NAV3: variants seen among roughly 807,000 people sequenced by gnomAD.
NAV3 encodes the protein pore membrane and/or filament interacting like protein 1.
A neutral mutation model predicts 244.7 loss-of-function variants in NAV3; 87 were observed. That is an observed-to-expected ratio of 0.36 (90% CI 0.30 to 0.42). The LOEUF (loss-of-function observed/expected upper bound fraction) is 0.42, where lower values mean the gene tolerates loss of function less well. Ranked by LOEUF, NAV3 falls within the 20% of genes least tolerant of loss-of-function variation. The probability of loss-of-function intolerance (pLI) is 1.00; values close to 1 mark genes in which losing one functional copy is unlikely to be tolerated. For missense variants in NAV3, 2,663 were observed against 2,893.3 expected (o/e 0.92, Z 1.83); for synonymous variants, 1,126 against 1,042.2 (o/e 1.08, Z -1.55).
intron 34 of NAV3, among the ~76,000 whole-genome samples, chr12:78,193,056 T>C (rs534418053): frequency 6.6e-6 from 1 of 152,316 alleles, no homozygotes; most frequent in South Asian, 2.1e-4. Flanking sequence ...CCTGAAAACC[T>C]GGAGCTGTGT....
chr12:77,791,803 T>C (rs995810433), intron 2 of NAV3, among the ~76,000 whole-genome samples: 1 of 152,250 alleles, frequency 6.6e-6, no homozygotes, highest in Admixed American at 6.5e-5. Flanking sequence ...TATTTCTTGT[T>C]CATTCCCCAA....
intron 2 of NAV3, among the ~76,000 whole-genome samples, chr12:77,779,751 G>C (rs774779645): frequency 9.2e-5 from 14 of 152,176 alleles, no homozygotes; most frequent in Non-Finnish European, 7.3e-5. Context: ...TCATCAACAT[G>C]CGAGTTCTTT....
At chr12:78,079,411 C>A (rs540083592) in intron 12 of NAV3, among the ~76,000 whole-genome samples, 1 of 152,042 alleles carries the variant, frequency 6.6e-6, no homozygotes, top group Non-Finnish European at 1.5e-5. Context: ...GCTATTGATG[C>A]GTTCATTATT....
intron 2 of NAV3, among the ~76,000 whole-genome samples, chr12:77,791,110 C>T (rs1441311411): frequency 2.6e-5 from 4 of 152,148 alleles, no homozygotes; most frequent in Non-Finnish European, 5.9e-5. Flanking sequence ...AGTCCCAGCA[C>T]TTTGGGAGGC....
intron 20 of NAV3, among the ~76,000 whole-genome samples, chr12:78,141,720 T>G (rs937929182): frequency 1.3e-5 from 2 of 152,164 alleles, no homozygotes; most frequent in Non-Finnish European, 2.9e-5. Context: ...TAGGTAAATG[T>G]ACTTTTTGTG....
chr12:77,673,648 G>A lies in NAV3; in HGVS notation c.72+101382G>A, dbSNP rs74104977. Among the ~76,000 whole-genome samples, 164 of 151,862 alleles carry A rather than the reference G, an allele frequency of 1.1e-3. 1 individual carries two copies. The highest frequency in any genetic ancestry group is 3.5e-3 in the African/African-American group (146 of 41,436). On this transcript the variant is annotated intron_variant, in intron 2 of 8. Coordinates refer to the NAV3 transcript ENST00000550042. ...ATACCTATTCCTGAACTTTTGTATG[G>A]TGTTTGATATCAAACCTTTCCTAAG...
At chr12:78,095,098 T>TAC (rs1566123877) in intron 12 of NAV3, among the ~76,000 whole-genome samples, 23 of 143,626 alleles carry the variant, frequency 1.6e-4, no homozygotes, top group African/African-American at 5.8e-4. Context: ...CATATATATA[T>TAC]ACACATATAT....
At chr12:77,593,307 C>T (rs1366924385) in intron 2 of NAV3, among the ~76,000 whole-genome samples, 1 of 135,658 alleles carries the variant, frequency 7.4e-6, no homozygotes, top group Non-Finnish European at 1.6e-5. Flanking sequence ...TGTGTGTATT[C>T]CTTAGGGTTT....
At chr12:77,625,494 T>C (rs2136892638) in intron 2 of NAV3, among the ~76,000 whole-genome samples, 1 of 152,310 alleles carries the variant, frequency 6.6e-6, no homozygotes, top group Middle Eastern at 3.4e-3. Flanking sequence ...ACTAGACTTG[T>C]TTCTTATTAT....
At chr12:78,005,926 TGA>T (rs778730543) in intron 7 of NAV3, among the ~76,000 whole-genome samples, 12 of 152,182 alleles carry the variant, frequency 7.9e-5, no homozygotes, top group Non-Finnish European at 1.5e-4. Context: ...CTTTTTTTTT[TGA>T]GAGAGAGTCT....
Position 78,168,902 on chromosome 12 carries a change from A to G in NAV3, c.4981+36A>G, listed in dbSNP as rs1215666017. ...AAATCATTTCATTTCCACCCAATAT[A>G]ATAGACATCTATTTTATTTATTAAT... On this transcript the variant is annotated intron_variant, in intron 24 of 39. Transcript: ENST00000397909. The G allele has an allele frequency of 2.1e-6, 3 of 1,411,860 alleles. No individual in the cohort carries two copies. The Admixed American group carries it at 6.0e-5, about 28-fold the overall frequency. The allele number at this position is 1,411,860 out of a possible 1,614,324, so 87.5% of individuals were successfully genotyped here. A position where few individuals can be genotyped will look rare whatever the true frequency, so the allele number is the denominator to read the frequency against.
chr12:78,054,098 A>G (rs969823016), intron 11 of NAV3, among the ~76,000 whole-genome samples: 4 of 152,252 alleles, frequency 2.6e-5, no homozygotes, highest in African/African-American at 9.6e-5. Flanking sequence ...ATGAGGAGAA[A>G]GTACTAAACC....
At chr12:77,660,941 G>A (rs1466776011) in intron 2 of NAV3, among the ~76,000 whole-genome samples, 1 of 152,046 alleles carries the variant, frequency 6.6e-6, no homozygotes, top group Middle Eastern at 3.2e-3. Context: ...TTTTATTGCT[G>A]AATAGTATTC....
intron 2 of NAV3, among the ~76,000 whole-genome samples, chr12:77,654,736 C>T (rs1873004000): frequency 6.6e-6 from 1 of 152,048 alleles, no homozygotes; most frequent in African/African-American, 2.4e-5. Context: ...CCTCACATGG[C>T]CGGGTACTCC....
intron 28 of NAV3, among the ~76,000 whole-genome samples, chr12:78,177,929 G>C (rs113768048): frequency 0.012 from 371 of 30,964 alleles, 2 homozygotes; most frequent in East Asian, 0.03. Flanking sequence ...GTAGCCCCCC[G>C]TTATCCACCA....
chr12:77,922,827 C>T (rs1055876266), intron 1 of NAV3, among the ~76,000 whole-genome samples: 12 of 152,028 alleles, frequency 7.9e-5, no homozygotes, highest in Non-Finnish European at 5.9e-5. Context: ...GCTTTGAAAT[C>T]AATTTTAATT....
At chr12:77,986,209 A>G (rs1301103641) in intron 5 of NAV3, among the ~76,000 whole-genome samples, 3 of 152,140 alleles carry the variant, frequency 2.0e-5, no homozygotes, top group Non-Finnish European at 4.4e-5. Context: ...TAAAAATACA[A>G]AAGTCAGCCA....
At chr12:77,603,324 T>C (rs1371730677) in intron 2 of NAV3, among the ~76,000 whole-genome samples, 2 of 152,108 alleles carry the variant, frequency 1.3e-5, no homozygotes, top group African/African-American at 2.4e-5. Context: ...ATGAACTCTT[T>C]GGTGATCTCA....
At chr12:77,917,539 A>G (rs1887269446) in intron 1 of NAV3, among the ~76,000 whole-genome samples, 1 of 152,010 alleles carries the variant, frequency 6.6e-6, no homozygotes. Context: ...AATGTTTTGC[A>G]TGTGTAACGG....
Sources: allele counts gnomAD v4.1 joint callset (sites outside exome capture counted in the v4.1 genomes callset), GRCh38; gene constraint gnomAD v4.1.1; transcripts MANE v1.5; gene names NCBI Gene and HGNC (gene_info 2026-07-23, HGNC 2026-07-21).